The following SHB variants were observed in gnomAD, a reference collection of about 807,000 sequenced individuals.
SHB encodes the protein SH2 domain containing adaptor protein B, also known as SH2 domain-containing adapter protein B.
In SHB, 20 loss-of-function variants were observed where a neutral mutation model predicts 52.3. The ratio of observed to expected loss-of-function variants is 0.38; its 90% confidence interval spans 0.27 to 0.56. The LOEUF (loss-of-function observed/expected upper bound fraction) is 0.56. SHB is among the 20% of genes least tolerant of loss of function. The pLI is 0.71. For missense variants in SHB, 825 were observed against 723.3 expected (o/e 1.14, Z -1.61); for synonymous variants, 397 against 316.5 (o/e 1.25, Z -2.70).
chr9:38,015,933 G>T, intron 2 of SHB, 78 bp downstream of exon 2: 2 of 1,480,374 alleles, frequency 1.4e-6, no homozygotes, highest in Non-Finnish European at 1.9e-6. Flanking sequence ...GCTGGTTGGG[G>T]ACCACCCGGC....
chr9:38,063,920 T>C (rs933495963), intron 1 of SHB, among the ~76,000 whole-genome samples: 1 of 152,078 alleles, frequency 6.6e-6, no homozygotes, highest in East Asian at 1.9e-4. Flanking sequence ...TTAGTATGTA[T>C]TTAAAACCTG....
intron 2 of SHB, among the ~76,000 whole-genome samples, chr9:37,989,853 C>T (rs986337434): frequency 5.3e-5 from 8 of 152,146 alleles, no homozygotes; most frequent in African/African-American, 1.7e-4. Flanking sequence ...TGCACAAGAG[C>T]CAGGAACCTG....
intron 1 of SHB, among the ~76,000 whole-genome samples, chr9:38,057,709 T>C (rs1317568475): frequency 6.6e-6 from 1 of 152,252 alleles, no homozygotes; most frequent in Admixed American, 6.5e-5. Context: ...GTTTCACTGT[T>C]AAGAACTTTC....
At chr9:37,928,111 C>T (rs1832271690) in intron 5 of SHB, among the ~76,000 whole-genome samples, 1 of 152,228 alleles carries the variant, frequency 6.6e-6, no homozygotes. Context: ...AGTCCCCTCC[C>T]CCTGGGCCTC....
chr9:37,964,597 G>A (rs375197401), intron 3 of SHB, among the ~76,000 whole-genome samples: 5 of 152,178 alleles, frequency 3.3e-5, no homozygotes, highest in African/African-American at 7.2e-5. Flanking sequence ...TGGAGGGCTG[G>A]AAAAAGGACT....
At chr9:38,021,136 G>A (rs1282357469) in intron 1 of SHB, among the ~76,000 whole-genome samples, 2 of 149,954 alleles carry the variant, frequency 1.3e-5, no homozygotes, top group African/African-American at 2.5e-5. Flanking sequence ...TCAGCAGTTC[G>A]AGACCAGCCC....
intron 1 of SHB, among the ~76,000 whole-genome samples, chr9:38,046,259 C>T (rs1000002368): frequency 7.2e-5 from 11 of 152,198 alleles, no homozygotes; most frequent in Non-Finnish European, 1.2e-4. Context: ...TAAAGCATTG[C>T]TGAACGTGGC....
At chr9:38,044,744 T>C (rs1209675621) in intron 1 of SHB, among the ~76,000 whole-genome samples, 1 of 152,194 alleles carries the variant, frequency 6.6e-6, no homozygotes, top group African/African-American at 2.4e-5. Flanking sequence ...TGGGGACTAT[T>C]GGGGTTTTAC....
chr9:37,988,104 C>T (rs1192884085), intron 2 of SHB, among the ~76,000 whole-genome samples: 1 of 152,224 alleles, frequency 6.6e-6, no homozygotes, highest in Non-Finnish European at 1.5e-5. Flanking sequence ...GCTGCCCCTG[C>T]GGAAGCAACT....
chr9:38,058,799 A>C (rs932385814), intron 1 of SHB, among the ~76,000 whole-genome samples: 3 of 151,896 alleles, frequency 2.0e-5, no homozygotes, highest in Non-Finnish European at 4.4e-5. Context: ...AGGCTTCTGC[A>C]CTGTTCTTCT....
chr9:38,018,040 CTT>C (rs1478864843), intron 1 of SHB, among the ~76,000 whole-genome samples: 1 of 152,174 alleles, frequency 6.6e-6, no homozygotes, highest in East Asian at 1.9e-4. Context: ...TCTTATTTCT[CTT>C]GTCCCAGATT....
intron 5 of SHB, among the ~76,000 whole-genome samples, chr9:37,946,022 A>T (rs1199968843): frequency 6.6e-6 from 1 of 152,130 alleles, no homozygotes; most frequent in Non-Finnish European, 1.5e-5. Flanking sequence ...AAACAGGGGC[A>T]GGGTTATGGG....
intron 1 of SHB, among the ~76,000 whole-genome samples, chr9:38,017,425 C>G (rs898604188): frequency 3.3e-5 from 5 of 152,222 alleles, no homozygotes; most frequent in Admixed American, 6.5e-5. Context: ...GGGAAAATCC[C>G]CCTTTGTCTG....
chr9:38,020,859 T>C (rs1821273576), intron 1 of SHB, among the ~76,000 whole-genome samples: 1 of 152,252 alleles, frequency 6.6e-6, no homozygotes, highest in African/African-American at 2.4e-5. Context: ...CCCGAGGATC[T>C]TGCAAGGCAA....
At chr9:37,969,282 C>A (rs1223091798) in intron 3 of SHB, among the ~76,000 whole-genome samples, 1 of 152,128 alleles carries the variant, frequency 6.6e-6, no homozygotes, top group African/African-American at 2.4e-5. Context: ...GGTTCAAAGT[C>A]CGGCTCTGCT....
At chr9:38,051,517 G>A (rs1019890495) in intron 1 of SHB, among the ~76,000 whole-genome samples, 5 of 151,838 alleles carry the variant, frequency 3.3e-5, no homozygotes, top group Admixed American at 1.3e-4. Context: ...GCATGCCCGG[G>A]TTGAGTGTCT....
intron 5 of SHB, among the ~76,000 whole-genome samples, chr9:37,927,088 G>C (rs1832258712): frequency 6.6e-6 from 1 of 152,240 alleles, no homozygotes; most frequent in African/African-American, 2.4e-5. Context: ...AACTTGCCCA[G>C]TCACGATGCA....
intron 5 of SHB, among the ~76,000 whole-genome samples, chr9:37,939,853 T>TC (rs1832416251): frequency 6.6e-6 from 1 of 152,214 alleles, no homozygotes; most frequent in African/African-American, 2.4e-5. Flanking sequence ...GAACATACTA[T>TC]CACAGTGTGA....
chr9:38,068,681 C>T lies in SHB; in HGVS notation c.-36G>A. ...CGCCTAGGGCCGCGGCGCGGGAGCC[C>T]GGTCCGCCGCCGCGGCCATTCGGGG... On this transcript the variant is annotated 5_prime_UTR_variant, in exon 1 of 6. Transcript: ENST00000377707. 7.9e-7 allele frequency: 1 copy of T among 1,265,728 alleles called. No homozygotes were observed. Among genetic ancestry groups the T allele is most frequent in the Non-Finnish European group, 9.9e-7 (1 of 1,010,196 alleles). The allele number at this position is 1,265,728 out of a possible 1,614,324, so 78.4% of individuals were successfully genotyped here.
Sources: allele counts gnomAD v4.1 joint callset (sites outside exome capture counted in the v4.1 genomes callset), GRCh38; gene constraint gnomAD v4.1.1; transcripts MANE v1.5; gene names NCBI Gene and HGNC (gene_info 2026-07-23, HGNC 2026-07-21).